GTSE1: variants seen among roughly 807,000 people sequenced by gnomAD.
GTSE1 encodes the protein G2 and S-phase expressed 1, also known as G2 and S phase-expressed protein 1.
GTSE1 carries 52 observed loss-of-function variants against 60.5 expected under a neutral mutation model. That is an observed-to-expected ratio of 0.86 (90% CI 0.69 to 1.08). The LOEUF is 1.08. Ranked by LOEUF, GTSE1 falls within the 50% of genes least tolerant of loss-of-function variation. GTSE1 has a pLI of 0.00. For synonymous variants in GTSE1, 368 were observed against 386.5 expected, an observed-to-expected ratio of 0.95 and a Z score of 0.56; for missense variants, 937 against 961.8, an observed-to-expected ratio of 0.97 and a Z score of 0.34.
rs140921380 is a variant in GTSE1 at position 46,317,022 on chromosome 22, C to T, written c.1432+610C>T. Reference sequence around the variant, plus strand: ...TGTCACCCAGGGTGGAATGCAGTGGCGCGATCTCAGCGCACTGTAACCTCC... The same window carrying T: ...TGTCACCCAGGGTGGAATGCAGTGGTGCGATCTCAGCGCACTGTAACCTCC... On this transcript the variant is annotated intron_variant, in intron 7 of 11. Coordinates refer to ENST00000454366, the MANE Select transcript of GTSE1 (RefSeq NM_016426.7). The surrounding 1 kb of genome is among the most constrained non-coding windows in gnomAD (Gnocchi z 5.6). Among the ~76,000 whole-genome samples the T allele has an allele frequency of 1.9e-4, 29 of 151,816 alleles. No individual in the cohort carries two copies. Among genetic ancestry groups the T allele is most frequent in the African/African-American group, 5.8e-4 (24 of 41,380 alleles).
Position 46,329,360 on chromosome 22 carries a change from T to G in GTSE1, c.1929T>G (p.Ala643=), listed in dbSNP as rs761578103. 1 of 1,612,854 alleles carries G rather than the reference T, an allele frequency of 6.2e-7. No individual in the cohort carries two copies. The highest frequency in any genetic ancestry group is 8.5e-7 in the Non-Finnish European group (1 of 1,178,896). The change falls in exon 11 of 12, where the codon GCT becomes GCG. Residue 643 remains alanine, a splice_region_variant and synonymous_variant. Transcript: ENST00000454366. This position sits in a 1 kb window ranked among gnomAD's most constrained non-coding sequence, Gnocchi z 6.4. ...CTTAACCTTGGTTTTGTACCCAGGC[T>G]CTTCTTGTAGATATCAAACTGGAAC... is the stretch of plus-strand genomic sequence containing the variant. ...KPGGDAAPSE[A]LLVDIKLEPL... is the part of the protein sequence containing the mutation.
At position 46,318,529 on chromosome 22, in the gene GTSE1, A is replaced by G. The variant is rs1002478430; in HGVS notation, c.1432+2117A>G. 2.0e-5 allele frequency among the ~76,000 whole-genome samples: 3 copies of G among 152,172 alleles called. No individual in the cohort carries two copies. The highest frequency in any genetic ancestry group is 6.5e-5 in the Admixed American group (1 of 15,276). On this transcript the variant is annotated intron_variant, in intron 7 of 11. Transcript: ENST00000454366. The surrounding 1 kb of genome is among the most constrained non-coding windows in gnomAD (Gnocchi z 4.8). ...AGCACAACAAAGGGACTAAGGGAAGATGGTGTCCTGGAGCTGGCATGTTTG... is the reference window on the plus strand; with the variant it reads ...AGCACAACAAAGGGACTAAGGGAAGGTGGTGTCCTGGAGCTGGCATGTTTG...
intron 8 of GTSE1, 134 bp downstream of exon 8, chr22:46,323,396 GAGCTCCTGATGTGTACC>G: frequency 1.4e-6 from 1 of 730,858 alleles, no homozygotes; most frequent in Non-Finnish European, 2.5e-6. Flanking sequence ...GGTGCAGGCC[GAGCTCCTGATGTGTACC>G]AGCCCCTTTT....
intron 4 of GTSE1, among the ~76,000 whole-genome samples, chr22:46,311,073 TG>T (rs1395539893): frequency 1.3e-4 from 19 of 150,324 alleles, no homozygotes; most frequent in African/African-American, 4.5e-4. Flanking sequence ...TTTTTTTTTT[TG>T]TTTTGTTTTG....
rs1452875655 is a variant in GTSE1 at position 46,318,768 on chromosome 22, G to A, written c.1432+2356G>A. Among the ~76,000 whole-genome samples, 4 of 152,162 alleles carry A rather than the reference G, an allele frequency of 2.6e-5. No homozygotes were observed. The highest frequency in any genetic ancestry group is 6.5e-5 in the Admixed American group (1 of 15,270). ...GGGGCCGGAGGGTGGGAGTGCAGCC[G>A]CTGCGGTCGGGATTCTGCGTAGACG... On this transcript the variant is annotated intron_variant, in intron 7 of 11. Coordinates refer to ENST00000454366, the MANE Select transcript of GTSE1 (RefSeq NM_016426.7). The surrounding 1 kb of genome is among the most constrained non-coding windows in gnomAD (Gnocchi z 4.8).
At chr22:46,323,143 C>G (rs928641368) in intron 7 of GTSE1, 47 bp from the exon 8 acceptor site, 3 of 1,236,346 alleles carry the variant, frequency 2.4e-6, no homozygotes, top group African/African-American at 1.5e-5. Flanking sequence ...CAGTAGGTCT[C>G]CCCCTGATCA....
rs2077832963 is a variant in GTSE1, at chr22:46,324,521, C to T, written c.1505+1259C>T. 6.6e-6 allele frequency among the ~76,000 whole-genome samples: 1 copy of T among 152,138 alleles called. No homozygotes were observed. The highest frequency in any genetic ancestry group is 2.1e-4 in the South Asian group (1 of 4,828). On this transcript the variant is annotated intron_variant, in intron 8 of 11. Coordinates refer to ENST00000454366, the MANE Select transcript of GTSE1 (RefSeq NM_016426.7). This position sits in a 1 kb window ranked among gnomAD's most constrained non-coding sequence, Gnocchi z 5.2. ...TAGCTGGGACTACAGGCGCCCGCCACCACGCCCGGCTAAGTTTTTGTATTT... is the reference window on the plus strand; with the variant it reads ...TAGCTGGGACTACAGGCGCCCGCCATCACGCCCGGCTAAGTTTTTGTATTT...
chr22:46,305,725 G>A (rs951297600), intron 2 of GTSE1, among the ~76,000 whole-genome samples: 2 of 151,862 alleles, frequency 1.3e-5, no homozygotes, highest in African/African-American at 4.8e-5. Context: ...TGGCCAACAT[G>A]GTGAAACCGC....
chr22:46,307,798 GC>G (rs1403710998), intron 2 of GTSE1, among the ~76,000 whole-genome samples: 9 of 149,258 alleles, frequency 6.0e-5, no homozygotes, highest in African/African-American at 2.0e-4. Context: ...ACCGCCCCCA[GC>G]CGGCTGATGC....
intron 4 of GTSE1, among the ~76,000 whole-genome samples, chr22:46,311,773 T>C (rs2077749950): frequency 6.6e-6 from 1 of 152,250 alleles, no homozygotes; most frequent in Non-Finnish European, 1.5e-5. Context: ...GACCATTTAA[T>C]GGATGAGTCC....
At chr22:46,298,228 G>A (rs571473392) in intron 2 of GTSE1, among the ~76,000 whole-genome samples, 11 of 150,308 alleles carry the variant, frequency 7.3e-5, no homozygotes, top group Admixed American at 2.0e-4. Flanking sequence ...CTCCCAAAGT[G>A]CTAGGATTAT....
intron 2 of GTSE1, among the ~76,000 whole-genome samples, chr22:46,303,944 G>A (rs1342800501): frequency 1.3e-5 from 2 of 152,164 alleles, no homozygotes; most frequent in South Asian, 2.1e-4. Context: ...GAGGAGGCCA[G>A]GGAGCAGGGC....
At chr22:46,301,603 T>G (rs1348847644) in intron 2 of GTSE1, among the ~76,000 whole-genome samples, 2 of 151,558 alleles carry the variant, frequency 1.3e-5, no homozygotes, top group East Asian at 3.9e-4. Context: ...TTCTCCTGCC[T>G]CAGCCTCCCA....
At chr22:46,303,061 G>T (rs924357142) in intron 2 of GTSE1, among the ~76,000 whole-genome samples, 1 of 151,678 alleles carries the variant, frequency 6.6e-6, no homozygotes, top group Non-Finnish European at 1.5e-5. Context: ...CACCACACCC[G>T]GCTAATTTTT....
chr22:46,321,093 G>T lies in GTSE1; in HGVS notation c.1433-2097G>T, dbSNP rs556896365. Among the ~76,000 whole-genome samples, 8 of 152,022 alleles carry T rather than the reference G, an allele frequency of 5.3e-5. No individual in the cohort carries two copies. Among genetic ancestry groups the T allele is most frequent in the African/African-American group, 1.9e-4 (8 of 41,378 alleles). On this transcript the variant is annotated intron_variant, in intron 7 of 11. Transcript: ENST00000454366. The surrounding 1 kb of genome is among the most constrained non-coding windows in gnomAD (Gnocchi z 4.0). ...ACACCCGCCAGGAGTGACCAACTTG[G>T]GTCTCACAGAGACCTCTGTGAATGG...
chr22:46,314,491 G>C lies in GTSE1; in HGVS notation c.1051+478G>C, dbSNP rs1242620791. Among the ~76,000 whole-genome samples, 13 of 152,082 alleles carry C rather than the reference G, an allele frequency of 8.5e-5. No homozygotes were observed. On this transcript the variant is annotated intron_variant, in intron 6 of 11. Coordinates refer to ENST00000454366, the MANE Select transcript of GTSE1 (RefSeq NM_016426.7). The surrounding 1 kb of genome is among the most constrained non-coding windows in gnomAD (Gnocchi z 7.1). ...GGTAAGGGAAAGCCTTCGCCTTTCT[G>C]CTCTTCAGAGCGAAATCCTCTTCGA...
chr22:46,312,191 G>A lies in GTSE1; in HGVS notation c.813G>A (p.Glu271=). 1 of 1,613,954 alleles carries A rather than the reference G, an allele frequency of 6.2e-7. No homozygotes were observed. The highest frequency in any genetic ancestry group is 8.5e-7 in the Non-Finnish European group (1 of 1,179,890). ...CTTCCAGGACAAAAATCCCAGCTGA[G>A]AAGGAATCCCACCGGGATGTTCTCC... ...ASPSRTKIPA[E]KESHRDVLPD... is the part of the protein sequence containing the mutation. Residue 271 remains glutamate (E), a synonymous_variant, in exon 5 of 12, where the codon GAG becomes GAA. Transcript: ENST00000454366.
At position 46,329,256 on chromosome 22, in the gene GTSE1, C is replaced by A; in HGVS notation, c.1927-102C>A. ...GGCCCCGCCTGATTCCTTGGCTTTC[C>A]AAACCGCCAGCCCACCTGGAACATG... On this transcript the variant is annotated intron_variant, in intron 10 of 11. Coordinates refer to ENST00000454366, the MANE Select transcript of GTSE1 (RefSeq NM_016426.7). This position sits in a 1 kb window ranked among gnomAD's most constrained non-coding sequence, Gnocchi z 6.4. The A allele has an allele frequency of 2.0e-6, 2 of 1,021,080 alleles. No homozygotes were observed. Among genetic ancestry groups the A allele is most frequent in the Non-Finnish European group, 3.1e-6 (2 of 653,374 alleles). 63.3% of individuals were successfully genotyped at this position (1,021,080 alleles called of 1,614,324 possible).
rs772465807 is a variant in GTSE1, at chr22:46,309,992, CTT to C, written c.762+1052_762+1053del. ...CTGCTCCAGACCCATCGAAGTATCTCTTTTGATCTCCTGGTCCTGGGTGGTGA... is the reference window on the plus strand; with the variant it reads ...CTGCTCCAGACCCATCGAAGTATCTCTTGATCTCCTGGTCCTGGGTGGTGA... On this transcript the variant is annotated intron_variant, in intron 4 of 11. Coordinates refer to ENST00000454366, the MANE Select transcript of GTSE1 (RefSeq NM_016426.7). The surrounding 1 kb of genome is among the most constrained non-coding windows in gnomAD (Gnocchi z 6.2). 4.9e-4 allele frequency among the ~76,000 whole-genome samples: 74 copies of C among 152,310 alleles called. No homozygotes were observed. Among genetic ancestry groups the C allele is most frequent in the Non-Finnish European group, 6.6e-4 (45 of 68,022 alleles).
Sources: allele counts gnomAD v4.1 joint callset (sites outside exome capture counted in the v4.1 genomes callset), GRCh38; gene constraint gnomAD v4.1.1; non-coding constraint Gnocchi (gnomAD v3.1); transcripts MANE v1.5; gene names NCBI Gene and HGNC (gene_info 2026-07-23, HGNC 2026-07-21).